The following ATP6V0A4 variants were observed in gnomAD, a reference collection of about 807,000 sequenced individuals.
ATP6V0A4 encodes V-type proton ATPase 116 kDa subunit a 4.
ATP6V0A4 carries 86 observed loss-of-function variants against 107.3 expected under a neutral mutation model. That is an observed-to-expected ratio of 0.80 (90% CI 0.67 to 0.96). The LOEUF (loss-of-function observed/expected upper bound fraction) is 0.96, where lower values mean the gene tolerates loss of function less well. ATP6V0A4 is among the 40% of genes least tolerant of loss of function. The pLI is 0.00. For missense variants in ATP6V0A4, 908 were observed against 1,045.6 expected (o/e 0.87, Z 1.81); for synonymous variants, 353 against 381.4 (o/e 0.93, Z 0.87).
At chr7:138,734,073 C>G in intron 16 of ATP6V0A4, 63 bp downstream of exon 16, 4 of 1,537,524 alleles carry the variant, frequency 2.6e-6, no homozygotes, top group Non-Finnish European at 2.7e-6. Context: ...ACCAGTGGCT[C>G]TGTCACCATT....
intron 18 of ATP6V0A4, among the ~76,000 whole-genome samples, chr7:138,727,866 C>T (rs767662501): frequency 2.0e-5 from 3 of 152,154 alleles, no homozygotes; most frequent in Non-Finnish European, 4.4e-5. Context: ...TGATATTAAA[C>T]TCTGCTTCAC....
chr7:138,770,230 G>T (rs1807310861), intron 3 of ATP6V0A4, among the ~76,000 whole-genome samples: 1 of 150,646 alleles, frequency 6.6e-6, no homozygotes, highest in Admixed American at 6.6e-5. Flanking sequence ...GAAAAGAAAA[G>T]AAAAAAGGAA....
At chr7:138,776,286 G>A (rs551589828) in intron 2 of ATP6V0A4, among the ~76,000 whole-genome samples, 47 of 152,316 alleles carry the variant, frequency 3.1e-4, no homozygotes, top group African/African-American at 1.0e-3. Context: ...TGAACCTGGG[G>A]CAGTGGAGGC....
In ATP6V0A4 at chr7:138,762,897, C is replaced by A. The variant is rs773214297; in HGVS notation, c.417+3G>T. 17 of 1,614,024 alleles carry A rather than the reference C, an allele frequency of 1.1e-5. No homozygotes were observed. In the South Asian group the frequency reaches 1.9e-4, roughly 18 times the overall value. Reference sequence around the variant, plus strand: ...CTTTAGTAACTCATCCCCACGTGACCACCTCAAAGAAGTCTTGGGTTTTCT... The same window carrying A: ...CTTTAGTAACTCATCCCCACGTGACAACCTCAAAGAAGTCTTGGGTTTTCT... On this transcript the variant is annotated splice_donor_region_variant and intron_variant, in intron 6 of 21. Coordinates refer to ENST00000310018, the MANE Select transcript of ATP6V0A4 (RefSeq NM_020632.3).
chr7:138,795,794 C>A (rs1162585326), intron 1 of ATP6V0A4, among the ~76,000 whole-genome samples: 2 of 149,206 alleles, frequency 1.3e-5, no homozygotes, highest in African/African-American at 4.9e-5. Flanking sequence ...GTGCACACTA[C>A]CATACCCAAG....
intron 19 of ATP6V0A4, among the ~76,000 whole-genome samples, chr7:138,719,654 C>G (rs1421905366): frequency 6.6e-6 from 1 of 152,222 alleles, no homozygotes; most frequent in Non-Finnish European, 1.5e-5. Flanking sequence ...GACACAGCTC[C>G]TCATTTGGAA....
At chr7:138,718,282 GT>G (rs1804205677) in intron 19 of ATP6V0A4, among the ~76,000 whole-genome samples, 1 of 5,020 alleles carries the variant, frequency 2.0e-4, no homozygotes, top group Non-Finnish European at 3.5e-4. Context: ...GAATGGCGGT[GT>G]GTGTGTGTGT....
At position 138,728,463 on chromosome 7, in the gene ATP6V0A4, G is replaced by A. The variant is rs572064952; in HGVS notation, c.2010+298C>T. ...GCTGGTCTCAAACTCCCGACCTCAG[G>A]TGATCCACCCGCCTCGGCCTCCCAA... On this transcript the variant is annotated intron_variant, in intron 18 of 21. Coordinates refer to ENST00000310018, the MANE Select transcript of ATP6V0A4 (RefSeq NM_020632.3). Among the ~76,000 whole-genome samples, 9 of 152,054 alleles carry A rather than the reference G, an allele frequency of 5.9e-5. No homozygotes were observed. The East Asian group carries it at 1.7e-3, about 29-fold the overall frequency.
At chr7:138,732,197 C>G (rs1212836529) in intron 17 of ATP6V0A4, among the ~76,000 whole-genome samples, 1 of 152,146 alleles carries the variant, frequency 6.6e-6, no homozygotes, top group African/African-American at 2.4e-5. Context: ...AGAGTTCACT[C>G]TTTGAATAAA....
intron 14 of ATP6V0A4, among the ~76,000 whole-genome samples, chr7:138,741,499 G>T (rs192523207): frequency 6.6e-6 from 1 of 152,152 alleles, no homozygotes. Flanking sequence ...CGTGTCTCCT[G>T]CTGAGCATAA....
chr7:138,733,187 CTA>C, intron 16 of ATP6V0A4, 94 bp from the exon 17 acceptor site: 1 of 1,550,904 alleles, frequency 6.4e-7, no homozygotes, highest in Non-Finnish European at 8.7e-7. Context: ...ACAAAATGTT[CTA>C]TCTTTTTTTT....
At chr7:138,716,578 G>T (rs55772387) in intron 19 of ATP6V0A4, among the ~76,000 whole-genome samples, 35 of 136,658 alleles carry the variant, frequency 2.6e-4, no homozygotes, top group African/African-American at 8.3e-4. Flanking sequence ...TTTTTTTTGG[G>T]GGGGGGGGAG....
chr7:138,722,950 C>T (rs369957816), intron 18 of ATP6V0A4, among the ~76,000 whole-genome samples: 4 of 147,882 alleles, frequency 2.7e-5, no homozygotes, highest in South Asian at 4.3e-4. Flanking sequence ...CCCAGCTACT[C>T]GGGAGGCTGA....
At chr7:138,783,957 G>C (rs374680737) in intron 2 of ATP6V0A4, among the ~76,000 whole-genome samples, 16 of 152,018 alleles carry the variant, frequency 1.1e-4, no homozygotes, top group East Asian at 9.7e-4. Flanking sequence ...AATTTTCTAA[G>C]TTCCCTACTG....
chr7:138,709,208 CAA>C (rs60144433), intron 21 of ATP6V0A4, among the ~76,000 whole-genome samples: 606 of 49,264 alleles, frequency 0.012, 4 homozygotes, highest in African/African-American at 0.044. Context: ...GAGCCTGTCT[CAA>C]AAAAAAAAAA....
rs746368892 is a variant in ATP6V0A4 at position 138,715,793 on chromosome 7, C to T, written c.2228G>A (p.Arg743Gln). 6.2e-6 allele frequency: 10 copies of T among 1,612,338 alleles called. No homozygotes were observed. The highest frequency in any genetic ancestry group is 1.1e-5 in the South Asian group (1 of 89,610). ...GCISNTASYL[R>Q]LWALSLAHAQ... ...ATGAGCCAGGCTGAGGGCCCAGAGC[C>T]GCAGGTAGGAGGCTGTGTTTGAAAT... is the stretch of plus-strand genomic sequence containing the variant. The change falls in exon 20 of 22, where the codon CGG (arginine) becomes CAG (glutamine). Residue 743 changes from arginine to glutamine, a missense_variant. By Grantham distance (43) the Arg-to-Gln change is conservative. Coordinates refer to ENST00000310018, the MANE Select transcript of ATP6V0A4 (RefSeq NM_020632.3).
At chr7:138,763,973 A>AT (rs1175039817) in intron 5 of ATP6V0A4, among the ~76,000 whole-genome samples, 13 of 143,324 alleles carry the variant, frequency 9.1e-5, no homozygotes, top group Non-Finnish European at 1.5e-4. Flanking sequence ...TCTCAAAAAA[A>AT]AAATATATAT....
chr7:138,714,594 T>G (rs1803938371), intron 20 of ATP6V0A4, among the ~76,000 whole-genome samples: 1 of 152,004 alleles, frequency 6.6e-6, no homozygotes. Context: ...AGGCAGATGA[T>G]AGATAGATAG....
At chr7:138,779,599 C>T (rs1460114497) in intron 2 of ATP6V0A4, among the ~76,000 whole-genome samples, 1 of 152,190 alleles carries the variant, frequency 6.6e-6, no homozygotes, top group African/African-American at 2.4e-5. Flanking sequence ...TCTTAAACCA[C>T]ACTTAATCTC....
Sources: gnomAD v4.1 joint callset for allele counts (sites outside exome capture counted in the v4.1 genomes callset) on GRCh38, gnomAD v4.1.1 for gene constraint, MANE v1.5 for transcripts, NCBI Gene and HGNC (gene_info 2026-07-23, HGNC 2026-07-21) for gene names.